Variants in APBA2 observed in about 807,000 individuals in gnomAD.
APBA2 encodes the protein amyloid-beta A4 precursor protein-binding family A member 2.
APBA2 carries 30 observed loss-of-function variants against 75.0 expected under a neutral mutation model. The ratio of observed to expected loss-of-function variants is 0.40; its 90% CI spans 0.30 to 0.54. The LOEUF is 0.54. APBA2 is among the 20% of genes least tolerant of loss of function. The pLI is 0.49. For synonymous variants in APBA2, 444 were observed against 409.6 expected (o/e 1.08, Z -1.01); for missense variants, 801 against 1,016.1 (o/e 0.79, Z 2.88).
intron 2 of APBA2, among the ~76,000 whole-genome samples, chr15:28,985,435 G>C (rs1329613238): frequency 5.9e-5 from 9 of 152,230 alleles, no homozygotes. Context: ...GCACTGAAAG[G>C]AGGCCTAAGT....
intron 2 of APBA2, among the ~76,000 whole-genome samples, chr15:28,941,200 T>C (rs1286531976): frequency 6.6e-6 from 1 of 152,148 alleles, no homozygotes; most frequent in Non-Finnish European, 1.5e-5. Context: ...GGAGGTTCCA[T>C]GTATAGAGGA....
At chr15:29,116,719 G>A (rs1028408474) in intron 14 of APBA2, among the ~76,000 whole-genome samples, 2 of 152,102 alleles carry the variant, frequency 1.3e-5, no homozygotes, top group African/African-American at 4.8e-5. Flanking sequence ...TTTCTGCCGA[G>A]GCCTGGCCAC....
chr15:29,003,200 T>C (rs2038939789), intron 3 of APBA2, among the ~76,000 whole-genome samples: 1 of 151,870 alleles, frequency 6.6e-6, no homozygotes, highest in African/African-American at 2.4e-5. Context: ...CGGCATGGGG[T>C]GGAGGCCCGT....
At chr15:29,112,419 C>A (rs28732997) in intron 13 of APBA2, among the ~76,000 whole-genome samples, 1 of 152,126 alleles carries the variant, frequency 6.6e-6, no homozygotes, top group Admixed American at 6.5e-5. Flanking sequence ...GTGTAGGAGA[C>A]GGGGAGGCCC....
chr15:29,074,463 A>G (rs1241940773), intron 4 of APBA2, among the ~76,000 whole-genome samples: 2 of 152,174 alleles, frequency 1.3e-5, no homozygotes, highest in Non-Finnish European at 2.9e-5. Flanking sequence ...TCACAGAAAC[A>G]GAAAGTAGAA....
intron 6 of APBA2, among the ~76,000 whole-genome samples, chr15:29,084,513 T>C (rs1247631419): frequency 6.6e-6 from 1 of 152,246 alleles, no homozygotes; most frequent in East Asian, 1.9e-4. Flanking sequence ...ATAGCCTCTT[T>C]AAATATTTCA....
chr15:28,977,348 A>G (rs1457700858), intron 2 of APBA2: 1 of 152,136 alleles, frequency 6.6e-6, no homozygotes, highest in African/African-American at 2.4e-5. Flanking sequence ...ACATTATAAT[A>G]GCATCACATT....
chr15:29,057,591 G>A (rs1481686955), intron 4 of APBA2, among the ~76,000 whole-genome samples: 3 of 152,132 alleles, frequency 2.0e-5, no homozygotes, highest in Non-Finnish European at 4.4e-5. Context: ...TAACCCAGAT[G>A]TATTTTTGTC....
chr15:28,900,718 C>A (rs764048635), intron 1 of APBA2, among the ~76,000 whole-genome samples: 45 of 152,136 alleles, frequency 3.0e-4, no homozygotes, highest in Non-Finnish European at 5.7e-4. Context: ...TGTCCTGTTT[C>A]CCTGTCAGGA....
Position 29,117,617 on chromosome 15 carries a change from A to G in APBA2, c.*484A>G, listed in dbSNP as rs1464581945. On this transcript the variant is annotated 3_prime_UTR_variant, in exon 15 of 15. Transcript: ENST00000683413. ...TGCCTCTGCCACTGACTGCAGGGAC[A>G]CGGGCAGCCTGGCTCCCAGGACACG... 3.6e-5 allele frequency: 6 copies of G among 168,640 alleles called. No individual in the cohort carries two copies. Among genetic ancestry groups the G allele is most frequent in the Non-Finnish European group, 7.7e-5 (6 of 77,866 alleles). The allele number at this position is 168,640 out of a possible 1,614,324, so 10.4% of individuals were successfully genotyped here.
At chr15:28,941,475 C>T (rs924986000) in intron 2 of APBA2, among the ~76,000 whole-genome samples, 1 of 132,762 alleles carries the variant, frequency 7.5e-6, no homozygotes, top group Non-Finnish European at 1.5e-5. Context: ...GTGTGACCAA[C>T]GACTCTTCAG....
At chr15:28,967,154 A>C (rs11858361) in intron 2 of APBA2, among the ~76,000 whole-genome samples, 149,882 of 152,296 alleles carry the variant, frequency 0.98, 73,757 homozygotes, top group East Asian at 1. Flanking sequence ...AGAATATCTT[A>C]ATTTCTCCTT....
At chr15:29,038,157 T>A (rs1001735608) in intron 3 of APBA2, among the ~76,000 whole-genome samples, 1 of 152,154 alleles carries the variant, frequency 6.6e-6, no homozygotes, top group Non-Finnish European at 1.5e-5. Flanking sequence ...GCCAGCTCTG[T>A]GCTTTGACAA....
intron 2 of APBA2, among the ~76,000 whole-genome samples, chr15:28,942,515 C>T (rs1476856177): frequency 1.3e-5 from 2 of 152,192 alleles, no homozygotes; most frequent in Non-Finnish European, 2.9e-5. Context: ...CTTATTGCTG[C>T]TGTCTTCAGT....
At chr15:28,966,941 G>A (rs2036770493) in intron 2 of APBA2, among the ~76,000 whole-genome samples, 1 of 152,124 alleles carries the variant, frequency 6.6e-6, no homozygotes, top group Non-Finnish European at 1.5e-5. Context: ...ATTGTCTTAA[G>A]TATTTCCTCC....
At chr15:28,990,411 G>C (rs903886342) in intron 2 of APBA2, 1 of 140,554 alleles carries the variant, frequency 7.1e-6, no homozygotes. Context: ...AAAAAAAAAA[G>C]AACAAGTCAG....
At chr15:28,896,443 C>A (rs1378112903) in intron 1 of APBA2, among the ~76,000 whole-genome samples, 3 of 152,170 alleles carry the variant, frequency 2.0e-5, no homozygotes, top group Non-Finnish European at 4.4e-5. Context: ...CCACCCCCGG[C>A]TAATTTTTTG....
chr15:28,918,356 A>T lies in APBA2; in HGVS notation c.-204-3284A>T, dbSNP rs935369514. 2.0e-5 allele frequency among the ~76,000 whole-genome samples: 3 copies of T among 152,084 alleles called. No individual in the cohort carries two copies. Among genetic ancestry groups the T allele is most frequent in the Admixed American group, 2.0e-4 (3 of 15,266 alleles). On this transcript the variant is annotated intron_variant, in intron 1 of 14. Transcript: ENST00000683413. The surrounding 1 kb of genome is among the most constrained non-coding windows in gnomAD (Gnocchi z 4.2). Reference sequence around the variant, plus strand: ...GCACACAGGGAGAACTCATGAAAGGAGGCGTGGCTCACTCCTGAAGGGAGA... The same window carrying T: ...GCACACAGGGAGAACTCATGAAAGGTGGCGTGGCTCACTCCTGAAGGGAGA...
intron 2 of APBA2, among the ~76,000 whole-genome samples, chr15:28,979,391 A>G (rs934903640): frequency 1.3e-5 from 2 of 152,108 alleles, no homozygotes; most frequent in Admixed American, 1.3e-4. Context: ...TTTTGAGCCA[A>G]TGTGTGTGGT....
Sources: allele counts gnomAD v4.1 joint callset (sites outside exome capture counted in the v4.1 genomes callset), GRCh38; gene constraint gnomAD v4.1.1; non-coding constraint Gnocchi (gnomAD v3.1); transcripts MANE v1.5; gene names NCBI Gene and HGNC (gene_info 2026-07-23, HGNC 2026-07-21).